Variants in TMEM209 observed in about 807,000 individuals in gnomAD.
The protein encoded by TMEM209 is transmembrane protein 209.
A neutral mutation model predicts 76.2 loss-of-function variants in TMEM209; 65 were observed. The observed-to-expected ratio is 0.85, with a 90% CI of 0.70 to 1.05. The LOEUF (loss-of-function observed/expected upper bound fraction) is 1.05, where lower values mean the gene tolerates loss of function less well. TMEM209 is among the 50% of genes least tolerant of loss of function. The pLI is 0.00. For missense variants in TMEM209, 623 were observed against 685.5 expected (o/e 0.91, Z 1.02); for synonymous variants, 239 against 237.6 (o/e 1.01, Z -0.06).
At position 130,203,984 on chromosome 7, in the gene TMEM209, A is replaced by AT; in HGVS notation, c.129dup (p.Tyr44IlefsTer3). The AT allele has an allele frequency of 1.2e-6, 2 of 1,613,586 alleles. No individual in the cohort carries two copies. The highest frequency in any genetic ancestry group is 1.7e-6 in the Non-Finnish European group (2 of 1,179,778). On this transcript the variant is annotated frameshift_variant, in exon 2 of 15. Coordinates refer to ENST00000397622, the MANE Select transcript of TMEM209 (RefSeq NM_032842.4). LOFTEE classifies it high-confidence loss of function. Reference sequence around the variant, plus strand: ...GACTGATTCACTTACATTTCAGTATATATCATTCCAGCCATAGATACATTT... The same window carrying AT: ...GACTGATTCACTTACATTTCAGTATATTATCATTCCAGCCATAGATACATTT...
At position 130,175,289 on chromosome 7, in the gene TMEM209, C is replaced by T. The variant is rs1008945544; in HGVS notation, c.1344+223G>A. ...CCAGCCTGGGCAAAAAAGTGAGACCCCATCTCTACAAAAAATTAAAAAAAT... is the reference window on the plus strand; with the variant it reads ...CCAGCCTGGGCAAAAAAGTGAGACCTCATCTCTACAAAAAATTAAAAAAAT... On this transcript the variant is annotated intron_variant, in intron 11 of 14. Coordinates refer to ENST00000397622, the MANE Select transcript of TMEM209 (RefSeq NM_032842.4). 11 of 419,254 alleles carry T rather than the reference C, an allele frequency of 2.6e-5. 1 individual carries two copies. Among genetic ancestry groups the T allele is most frequent in the African/African-American group, 2.1e-4 (10 of 48,658 alleles). 26.0% of individuals were successfully genotyped at this position (419,254 alleles called of 1,614,324 possible).
Position 130,185,276 on chromosome 7 carries a change from A to C in TMEM209, c.867T>G (p.Phe289Leu). ...MGDYAQTLKK[F>L]QYQLACRSQA... The stretch of plus-strand genomic sequence containing the variant: ...GAGACCTACAGGCAAGCTGATACTG[A>C]AACTTCTTTAAAGTTTGTGCATAAT... Residue 289 changes from phenylalanine to leucine, a missense_variant, in exon 7 of 15, where the codon TTT becomes TTG. Physicochemically the swap from Phe to Leu is conservative, Grantham distance 22. Transcript: ENST00000397622. 1 of 1,614,038 alleles carries C rather than the reference A, an allele frequency of 6.2e-7. No individual in the cohort carries two copies. Among genetic ancestry groups the C allele is most frequent in the South Asian group, 1.1e-5 (1 of 91,084 alleles).
At chr7:130,169,841 A>G (rs1797009238) in intron 14 of TMEM209, among the ~76,000 whole-genome samples, 1 of 151,990 alleles carries the variant, frequency 6.6e-6, no homozygotes, top group Non-Finnish European at 1.5e-5. Flanking sequence ...CCCTAGCTTT[A>G]GCTGGGGTCT....
chr7:130,166,864 C>T (rs1330709101), intron 14 of TMEM209, among the ~76,000 whole-genome samples: 1 of 152,126 alleles, frequency 6.6e-6, no homozygotes, highest in Non-Finnish European at 1.5e-5. Flanking sequence ...TCTCAGAGAA[C>T]TGTATTACTT....
At chr7:130,169,070 C>G (rs1284945169) in intron 14 of TMEM209, among the ~76,000 whole-genome samples, 1 of 151,706 alleles carries the variant, frequency 6.6e-6, no homozygotes, top group African/African-American at 2.4e-5. Context: ...AACCCCGTCT[C>G]TACCAAAAAT....
chr7:130,170,973 C>T (rs1229686232), intron 13 of TMEM209, among the ~76,000 whole-genome samples: 8 of 151,910 alleles, frequency 5.3e-5, no homozygotes, highest in African/African-American at 4.8e-5. Context: ...GGACCACAGG[C>T]GCCCACCGCC....
In TMEM209 at chr7:130,165,826, G is replaced by C. The variant is rs1468821175; in HGVS notation, c.*625C>G. 1 of 152,204 alleles carries C rather than the reference G, an allele frequency of 6.6e-6. No homozygotes were observed. The highest frequency in any genetic ancestry group is 1.5e-5 in the Non-Finnish European group (1 of 68,112). The allele number at this position is 152,204 out of a possible 1,614,324, so 9.4% of individuals were successfully genotyped here. On this transcript the variant is annotated 3_prime_UTR_variant, in exon 15 of 15. Coordinates refer to ENST00000397622, the MANE Select transcript of TMEM209 (RefSeq NM_032842.4). ...TAATCCCAGCACTTTGGGAGGCCGA[G>C]GTGGGTGGATCACCTGAGGTCAGGA... is the stretch of plus-strand genomic sequence containing the variant.
intron 5 of TMEM209, among the ~76,000 whole-genome samples, chr7:130,199,556 T>G (rs1220466863): frequency 6.6e-6 from 1 of 152,096 alleles, no homozygotes; most frequent in African/African-American, 2.4e-5. Context: ...TCCTGACATA[T>G]CTTTTAAGAT....
intron 4 of TMEM209, 107 bp downstream of exon 4, chr7:130,202,425 T>G (rs1017162322): frequency 7.1e-7 from 1 of 1,410,914 alleles, no homozygotes; most frequent in African/African-American, 1.4e-5. Flanking sequence ...CTGCTTAAGA[T>G]AGCTGATGTC....
chr7:130,200,267 G>A (rs1436333524), intron 5 of TMEM209, among the ~76,000 whole-genome samples: 2 of 151,932 alleles, frequency 1.3e-5, no homozygotes, highest in African/African-American at 2.4e-5. Flanking sequence ...TTAGCTATGC[G>A]GCTTTGAAAT....
At chr7:130,171,632 TAGAC>T (rs1484614715) in intron 13 of TMEM209, among the ~76,000 whole-genome samples, 1 of 152,244 alleles carries the variant, frequency 6.6e-6, no homozygotes, top group Non-Finnish European at 1.5e-5. Flanking sequence ...GAGAATCTGA[TAGAC>T]AGCACAATTT....
intron 13 of TMEM209, among the ~76,000 whole-genome samples, chr7:130,172,998 CAAAA>C (rs67876495): frequency 2.3e-5 from 2 of 86,688 alleles, no homozygotes; most frequent in Non-Finnish European, 2.1e-5. Context: ...GACTCTATCT[CAAAA>C]AAAAAAAAAA....
In TMEM209 at chr7:130,188,803, G is replaced by A. The variant is rs548292766; in HGVS notation, c.776-3436C>T. On this transcript the variant is annotated intron_variant, in intron 6 of 14. Transcript: ENST00000397622. ...TATATATTACCGACAAAGAGACAAA[G>A]CAGCATCACGTATCTCCTGATGTGA... 5.9e-5 allele frequency among the ~76,000 whole-genome samples: 9 copies of A among 152,092 alleles called. No individual in the cohort carries two copies. In the South Asian group the frequency reaches 1.2e-3, roughly 21 times the overall value.
rs1430714038 is a variant in TMEM209, at chr7:130,202,568, G to A, written c.295C>T (p.Pro99Ser). Residue 99 changes from proline (P) to serine (S), a missense_variant, in exon 4 of 15, where the codon CCT becomes TCT. Pro to Ser is a moderately conservative substitution (Grantham distance 74). Transcript: ENST00000397622. ...TVAPTSLVVS[P>S]GQQTLLGLKT... is the part of the protein sequence containing the mutation. ...AACCCTAAAAGTGTTTGCTGTCCAG[G>A]ACTAACAACCAGACTTGTTGGTGCC... The A allele has an allele frequency of 6.2e-7, 1 of 1,613,518 alleles. No individual in the cohort carries two copies. Among genetic ancestry groups the A allele is most frequent in the Admixed American group, 1.7e-5 (1 of 59,982 alleles).
intron 5 of TMEM209, among the ~76,000 whole-genome samples, chr7:130,196,036 GT>G (rs1386930125): frequency 2.0e-5 from 3 of 152,084 alleles, no homozygotes; most frequent in African/African-American, 7.2e-5. Flanking sequence ...ATGTTAACAT[GT>G]TGTTTTACTG....
At chr7:130,175,459 G>A in intron 11 of TMEM209, 53 bp downstream of exon 11, 1 of 1,509,298 alleles carries the variant, frequency 6.6e-7, no homozygotes, top group Non-Finnish European at 9.1e-7. Flanking sequence ...AAGACCCTGT[G>A]TCAGTCAATC....
At chr7:130,182,684 C>T (rs952267506) in intron 8 of TMEM209, among the ~76,000 whole-genome samples, 3 of 152,128 alleles carry the variant, frequency 2.0e-5, no homozygotes, top group African/African-American at 7.2e-5. Context: ...GTGTTTGTAG[C>T]AACTTCAATT....
chr7:130,196,415 C>T (rs1374164765), intron 5 of TMEM209, among the ~76,000 whole-genome samples: 1 of 151,582 alleles, frequency 6.6e-6, no homozygotes, highest in East Asian at 1.9e-4. Context: ...TAGGTAGCAT[C>T]TATATTCCAT....
chr7:130,197,599 T>C (rs1707013503), intron 5 of TMEM209, among the ~76,000 whole-genome samples: 1 of 152,188 alleles, frequency 6.6e-6, no homozygotes, highest in Admixed American at 6.5e-5. Context: ...AAATGGTATG[T>C]TTTATCATCA....
Sources: allele counts gnomAD v4.1 joint callset (sites outside exome capture counted in the v4.1 genomes callset), GRCh38; gene constraint gnomAD v4.1.1; transcripts MANE v1.5; gene names NCBI Gene and HGNC (gene_info 2026-07-23, HGNC 2026-07-21).